The following CWF19L1 variants were observed in gnomAD, a reference collection of about 807,000 sequenced individuals.
CWF19L1 encodes CWF19-like protein 1.
In CWF19L1, 60 loss-of-function variants were observed where a neutral mutation model predicts 69.7. The observed-to-expected ratio is 0.86, with a 90% CI of 0.70 to 1.07. CWF19L1 has a LOEUF of 1.07. Among genes scored for constraint, CWF19L1 ranks in the 50% least tolerant of loss-of-function variants. CWF19L1 has a pLI of 0.00. For synonymous variants in CWF19L1, 209 were observed against 222.2 expected, an observed-to-expected ratio of 0.94 and a Z score of 0.53; for missense variants, 591 against 638.9, an observed-to-expected ratio of 0.92 and a Z score of 0.81.
intron 10 of CWF19L1, among the ~76,000 whole-genome samples, chr10:100,239,338 A>T (rs1335915332): frequency 1.3e-5 from 2 of 152,160 alleles, no homozygotes; most frequent in Non-Finnish European, 2.9e-5. Context: ...AAATATAGAT[A>T]CGTTAGAAAA....
Position 100,242,463 on chromosome 10 carries a change from C to T in CWF19L1, c.1044+1235G>A, listed in dbSNP as rs11190435. Among the ~76,000 whole-genome samples the T allele has an allele frequency of 1.7e-3, 254 of 152,272 alleles. 1 individual carries two copies. The highest frequency in any genetic ancestry group is 6.8e-3 in the Middle Eastern group (2 of 294). ...CTGAGGCGGGCAGATCACCTGAGGT[C>T]GGGAGTTTGAGACCAGCCTGGCCAG... On this transcript the variant is annotated intron_variant, in intron 10 of 13. Transcript: ENST00000354105.
chr10:100,235,398 T>G (rs899517878), intron 13 of CWF19L1, among the ~76,000 whole-genome samples: 4 of 152,208 alleles, frequency 2.6e-5, no homozygotes, highest in Admixed American at 2.6e-4. Flanking sequence ...AGGTTCAACT[T>G]TGCCACTTTC....
intron 6 of CWF19L1, among the ~76,000 whole-genome samples, chr10:100,253,040 C>T (rs1433896609): frequency 6.6e-6 from 1 of 151,910 alleles, no homozygotes; most frequent in Non-Finnish European, 1.5e-5. Context: ...AATGGGGCTC[C>T]CTATGTTGCC....
intron 4 of CWF19L1, 72 bp downstream of exon 4, chr10:100,260,138 AGCCTGGGT>A: frequency 1.1e-6 from 1 of 885,342 alleles, no homozygotes; most frequent in East Asian, 2.6e-5. Flanking sequence ...ACTGCACTCC[AGCCTGGGT>A]GACAGAGCAA....
rs906443047 is a variant in CWF19L1 at position 100,253,425 on chromosome 10, A to G, written c.619T>C (p.Tyr207His). ...LEKTYYERLP[Y>H]RNHIILQENA... ...GAAGAATGAAATGCTACTCACCGATATGGAAGCCTCTCATAATAGGTCTTT... is the reference window on the plus strand; with the variant it reads ...GAAGAATGAAATGCTACTCACCGATGTGGAAGCCTCTCATAATAGGTCTTT... The change falls in exon 6 of 14, where the codon TAT (tyrosine) becomes CAT (histidine). Residue 207 changes from tyrosine (Y) to histidine (H), a missense_variant. Physicochemically the swap from Tyr to His is moderately conservative, Grantham distance 83 (BLOSUM62 2). Around this residue, in one of 3 missense-constraint regions of CWF19L1, gnomAD observed 458 missense variants for 489.3 expected, o/e 0.94. Coordinates refer to ENST00000354105, the MANE Select transcript of CWF19L1 (RefSeq NM_018294.6). 1 of 1,572,494 alleles carries G rather than the reference A, an allele frequency of 6.4e-7. No homozygotes were observed. The highest frequency in any genetic ancestry group is 8.8e-7 in the Non-Finnish European group (1 of 1,142,390).
chr10:100,256,260 A>C lies in CWF19L1; in HGVS notation c.504+2T>G, dbSNP rs1322795890. On this transcript the variant is annotated splice_donor_variant, in intron 5 of 13. Coordinates refer to ENST00000354105, the MANE Select transcript of CWF19L1 (RefSeq NM_018294.6). LOFTEE classifies it high-confidence loss of function. ...AATTCCAACTAAACAAACACTACTC[A>C]CAGAAGAATTCCCAAAGTTCCCCAC... 1 of 1,612,208 alleles carries C rather than the reference A, an allele frequency of 6.2e-7. No homozygotes were observed. Among genetic ancestry groups the C allele is most frequent in the Admixed American group, 1.7e-5 (1 of 60,024 alleles).
At chr10:100,234,520 A>C (rs1846371836) in intron 13 of CWF19L1, among the ~76,000 whole-genome samples, 1 of 152,216 alleles carries the variant, frequency 6.6e-6, no homozygotes, top group African/African-American at 2.4e-5. Context: ...ACATCACGTC[A>C]GATGTCTGAA....
Position 100,245,805 on chromosome 10 carries a change from T to C in CWF19L1, c.958A>G (p.Lys320Glu). 6.2e-7 allele frequency: 1 copy of C among 1,613,218 alleles called. No homozygotes were observed. The highest frequency in any genetic ancestry group is 8.5e-7 in the Non-Finnish European group (1 of 1,179,126). ...KSSPHPKQPR[K>E]PPQPPGPCWF... Reference sequence around the variant, plus strand: ...CTGGAATAAAGGTACTTACGAGGTTTGCGAGGCTGCTTTGGATGAGGAGAA... The same window carrying C: ...CTGGAATAAAGGTACTTACGAGGTTCGCGAGGCTGCTTTGGATGAGGAGAA... The change falls in exon 9 of 14, where the codon AAA becomes GAA. Residue 320 changes from lysine to glutamate, a missense_variant. Around this residue, in one of 3 missense-constraint regions of CWF19L1, gnomAD observed 458 missense variants for 489.3 expected, o/e 0.94. Transcript: ENST00000354105.
Position 100,264,544 on chromosome 10 carries a change from C to CA in CWF19L1, c.24-2482dup, listed in dbSNP as rs35268592. On this transcript the variant is annotated intron_variant, in intron 1 of 13. Coordinates refer to ENST00000354105, the MANE Select transcript of CWF19L1 (RefSeq NM_018294.6). ...TGGGCAACAGAGCAAGACTCCATCT[C>CA]AAAAAAAAAAAAATATATTCAGTAT... Among the ~76,000 whole-genome samples the CA allele has an allele frequency of 8.0e-3, 844 of 105,510 alleles. 4 individuals are homozygous for CA. Among genetic ancestry groups the CA allele is most frequent in the Non-Finnish European group, 0.014 (645 of 47,106 alleles). 69.2% of individuals were successfully genotyped at this position (105,510 alleles called of 152,430 possible).
chr10:100,257,971 C>A (rs1001376757), intron 4 of CWF19L1, among the ~76,000 whole-genome samples: 1 of 152,188 alleles, frequency 6.6e-6, no homozygotes, highest in Non-Finnish European at 1.5e-5. Flanking sequence ...AGCACAGTGG[C>A]TAATGCCTGT....
chr10:100,258,431 A>G (rs547014301), intron 4 of CWF19L1: 2 of 152,370 alleles, frequency 1.3e-5, no homozygotes, highest in African/African-American at 4.8e-5. Context: ...TCATATAGTA[A>G]AATGGCTGCC....
chr10:100,258,541 G>A (rs1054417827), intron 4 of CWF19L1: 1 of 152,128 alleles, frequency 6.6e-6, no homozygotes, highest in Non-Finnish European at 1.5e-5. Context: ...TTCAAAATGC[G>A]TATCTGATAT....
At chr10:100,247,239 G>A (rs1846856669) in intron 7 of CWF19L1, among the ~76,000 whole-genome samples, 1 of 152,114 alleles carries the variant, frequency 6.6e-6, no homozygotes, top group South Asian at 2.1e-4. Context: ...AGGCCCAGAG[G>A]GACTTGCTGT....
In CWF19L1 at chr10:100,236,842, T is replaced by C. The variant is rs776911404; in HGVS notation, c.1374+8A>G. On this transcript the variant is annotated splice_region_variant and intron_variant, in intron 12 of 13. Coordinates refer to ENST00000354105, the MANE Select transcript of CWF19L1 (RefSeq NM_018294.6). ...CTCTTCCCTGAATATCACCATCCCC[T>C]GTTTCACCTGCTTGATGTCAGAGTG... 3.1e-5 allele frequency: 49 copies of C among 1,579,562 alleles called. 2 individuals carry two copies. In the Admixed American group the frequency reaches 8.5e-4, roughly 27 times the overall value.
intron 4 of CWF19L1, among the ~76,000 whole-genome samples, chr10:100,256,706 C>T (rs546251276): frequency 3.6e-4 from 55 of 152,230 alleles, no homozygotes; most frequent in African/African-American, 1.2e-3. Context: ...CTGGAGCCCA[C>T]GGGCCAGTAT....
At chr10:100,257,621 C>T (rs1847259424) in intron 4 of CWF19L1, among the ~76,000 whole-genome samples, 1 of 151,866 alleles carries the variant, frequency 6.6e-6, no homozygotes. Flanking sequence ...CCTTAACCCC[C>T]TGCAATCAGT....
chr10:100,246,332 C>T (rs982142153), intron 8 of CWF19L1, among the ~76,000 whole-genome samples: 22 of 152,120 alleles, frequency 1.4e-4, no homozygotes, highest in Admixed American at 9.2e-4. Flanking sequence ...GAAAGCAGAC[C>T]GTGCATGCTA....
rs1427513117 is a variant in CWF19L1 at position 100,232,653 on chromosome 10, T to C, written c.*574A>G. The C allele has an allele frequency of 6.6e-6, 1 of 152,304 alleles. No homozygotes were observed. The highest frequency in any genetic ancestry group is 2.4e-5 in the African/African-American group (1 of 41,438). 9.4% of individuals were successfully genotyped at this position (152,304 alleles called of 1,614,324 possible). On this transcript the variant is annotated 3_prime_UTR_variant, in exon 14 of 14. Transcript: ENST00000354105. ...GTCTCAAACTCCTCACCTCAGGTGA[T>C]CCACCTGCCTCGGCTTCCCAAAGTA...
chr10:100,263,027 C>A (rs1030416908), intron 1 of CWF19L1, among the ~76,000 whole-genome samples: 6 of 152,020 alleles, frequency 3.9e-5, no homozygotes, highest in Non-Finnish European at 8.8e-5. Flanking sequence ...CTCCACTCCA[C>A]CCCACCTCAC....
Sources: allele counts gnomAD v4.1 joint callset (sites outside exome capture counted in the v4.1 genomes callset), GRCh38; gene constraint gnomAD v4.1.1; regional missense constraint gnomAD v4.1.1; transcripts MANE v1.5; gene names NCBI Gene and HGNC (gene_info 2026-07-23, HGNC 2026-07-21).